ATXN1: variants seen among roughly 807,000 people sequenced by gnomAD.
ATXN1 encodes ataxin-1.
In ATXN1, 8 loss-of-function variants were observed where a neutral mutation model predicts 56.4. The ratio of observed to expected loss-of-function variants is 0.14; its 90% CI spans 0.08 to 0.26. The LOEUF is 0.26. Ranked by LOEUF, ATXN1 falls within the 10% of genes least tolerant of loss-of-function variation. The probability of loss-of-function intolerance (pLI) is 1.00; values close to 1 mark genes in which losing one functional copy is unlikely to be tolerated. For synonymous variants in ATXN1, 514 were observed against 494.6 expected (o/e 1.04, Z -0.52); for missense variants, 987 against 1,106.5 (o/e 0.89, Z 1.53).
At chr6:16,359,311 A>G (rs1235858621) in intron 6 of ATXN1, among the ~76,000 whole-genome samples, 1 of 152,034 alleles carries the variant, frequency 6.6e-6, no homozygotes, top group African/African-American at 2.4e-5. Flanking sequence ...CCGTCCACCC[A>G]TGGCCACCCA....
chr6:16,684,695 T>C (rs1226513322), intron 2 of ATXN1, among the ~76,000 whole-genome samples: 2 of 152,196 alleles, frequency 1.3e-5, no homozygotes, highest in African/African-American at 2.4e-5. Context: ...TCTGAGCATT[T>C]AGCGTTCAGT....
chr6:16,623,049 A>G (rs1294750606), intron 3 of ATXN1, among the ~76,000 whole-genome samples: 1 of 152,112 alleles, frequency 6.6e-6, no homozygotes, highest in Non-Finnish European at 1.5e-5. Context: ...ATTCACTTTC[A>G]TTGTTGTATT....
At chr6:16,717,122 G>C (rs1265910576) in intron 2 of ATXN1, among the ~76,000 whole-genome samples, 3 of 152,264 alleles carry the variant, frequency 2.0e-5, no homozygotes, top group Non-Finnish European at 4.4e-5. Flanking sequence ...GCCCCAGCCA[G>C]CACCTGATGA....
At chr6:16,613,326 G>T (rs1763147980) in intron 3 of ATXN1, among the ~76,000 whole-genome samples, 1 of 146,064 alleles carries the variant, frequency 6.8e-6, no homozygotes, top group Non-Finnish European at 1.5e-5. Context: ...TTAGCTAGCA[G>T]TAAGTCTATC....
intron 7 of ATXN1, among the ~76,000 whole-genome samples, chr6:16,325,117 T>TG (rs1345216039): frequency 8.4e-6 from 1 of 118,674 alleles, no homozygotes; most frequent in Non-Finnish European, 1.8e-5. Context: ...GCCTTCCATC[T>TG]GTTTTTTTTT....
chr6:16,752,255 C>G (rs970661541), intron 2 of ATXN1, among the ~76,000 whole-genome samples: 1 of 152,144 alleles, frequency 6.6e-6, no homozygotes, highest in Admixed American at 6.5e-5. Context: ...GTAGAATGAG[C>G]TTCTCACCAA....
chr6:16,617,723 C>T (rs1031682051), intron 3 of ATXN1, among the ~76,000 whole-genome samples: 7 of 143,512 alleles, frequency 4.9e-5, no homozygotes, highest in East Asian at 2.2e-4. Context: ...GCCGAGATCA[C>T]GCCGCTGCAC....
intron 2 of ATXN1, among the ~76,000 whole-genome samples, chr6:16,747,622 C>T (rs868831457): frequency 6.0e-5 from 9 of 151,192 alleles, no homozygotes; most frequent in East Asian, 1.9e-4. Context: ...TCTCGATTTC[C>T]GTGGGTCTGT....
chr6:16,540,670 G>A lies in ATXN1; in HGVS notation c.-360-17982C>T, dbSNP rs549245344. Among the ~76,000 whole-genome samples, 7 of 152,302 alleles carry A rather than the reference G, an allele frequency of 4.6e-5. 1 individual carries two copies. The highest frequency in any genetic ancestry group is 4.6e-4 in the Admixed American group (7 of 15,314). ...CAAAGCCAAGGAGTTAGGCTCTAGA[G>A]TCACTATATTAAACTGCCTGGTTAA... On this transcript the variant is annotated intron_variant, in intron 4 of 7. Coordinates refer to ENST00000436367, the MANE Select transcript of ATXN1 (RefSeq NM_001128164.2).
intron 6 of ATXN1, among the ~76,000 whole-genome samples, chr6:16,427,784 T>C (rs1759188377): frequency 6.6e-6 from 1 of 152,192 alleles, no homozygotes; most frequent in South Asian, 2.1e-4. Context: ...TCATCACCAG[T>C]GTCTGCTGTG....
At chr6:16,349,141 G>A (rs1253076885) in intron 6 of ATXN1, among the ~76,000 whole-genome samples, 4 of 152,156 alleles carry the variant, frequency 2.6e-5, no homozygotes, top group African/African-American at 9.7e-5. Flanking sequence ...TGGTTGTTCC[G>A]ATTATTTTCT....
At chr6:16,447,911 T>G (rs1393669141) in intron 6 of ATXN1, among the ~76,000 whole-genome samples, 1 of 151,914 alleles carries the variant, frequency 6.6e-6, no homozygotes, top group African/African-American at 2.4e-5. Context: ...AGAAAAGCTC[T>G]CCATGTGCCA....
At chr6:16,753,756 T>C (rs1760797323) in intron 1 of ATXN1, among the ~76,000 whole-genome samples, 1 of 152,182 alleles carries the variant, frequency 6.6e-6, no homozygotes, top group Non-Finnish European at 1.5e-5. Flanking sequence ...GTGGCATATA[T>C]TATCTATCAA....
intron 2 of ATXN1, among the ~76,000 whole-genome samples, chr6:16,668,508 T>C (rs1423190354): frequency 6.6e-6 from 1 of 152,046 alleles, no homozygotes; most frequent in African/African-American, 2.4e-5. Flanking sequence ...TAGATATTAT[T>C]AAAGAGAACA....
Position 16,562,458 on chromosome 6 carries a change from G to GGAAACAAA in ATXN1, c.-361+23321_-361+23322insTTTGTTTC, listed in dbSNP as rs1561756150. Among the ~76,000 whole-genome samples the GGAAACAAA allele has an allele frequency of 5.8e-5, 3 of 51,800 alleles. No individual in the cohort carries two copies. The South Asian group carries it at 1.5e-3, about 26-fold the overall frequency. 34.0% of individuals were successfully genotyped at this position (51,800 alleles called of 152,430 possible). A position where few individuals can be genotyped will look rare whatever the true frequency, so the allele number is the denominator to read the frequency against. On this transcript the variant is annotated intron_variant, in intron 4 of 7. Transcript: ENST00000436367. ...GAAGAAAAGAAAAGAAAGAAAAGGA[G>GGAAACAAA]AGGAGAGGAGAGGAGAGGAGAGGAG...
At chr6:16,616,886 C>T (rs181001794) in intron 3 of ATXN1, among the ~76,000 whole-genome samples, 3 of 151,384 alleles carry the variant, frequency 2.0e-5, no homozygotes, top group Non-Finnish European at 2.9e-5. Flanking sequence ...GAGTACAGTA[C>T]AAGAAGATAT....
chr6:16,702,671 C>T (rs773199098), intron 2 of ATXN1, among the ~76,000 whole-genome samples: 4 of 152,074 alleles, frequency 2.6e-5, no homozygotes, highest in East Asian at 1.9e-4. Flanking sequence ...AAAAAGTGGG[C>T]GAAGGATATG....
chr6:16,745,108 ATTAAAT>A (rs1278892865), intron 2 of ATXN1, among the ~76,000 whole-genome samples: 1 of 152,230 alleles, frequency 6.6e-6, no homozygotes, highest in African/African-American at 2.4e-5. Context: ...CAAAGAGCCT[ATTAAAT>A]TAGCCAAAAA....
intron 2 of ATXN1, among the ~76,000 whole-genome samples, chr6:16,714,955 A>G (rs1382322359): frequency 6.6e-6 from 1 of 152,166 alleles, no homozygotes; most frequent in Non-Finnish European, 1.5e-5. Flanking sequence ...TGCTTTGGGC[A>G]TGAAACAGAA....
Sources: allele counts gnomAD v4.1 joint callset (sites outside exome capture counted in the v4.1 genomes callset), GRCh38; gene constraint gnomAD v4.1.1; transcripts MANE v1.5; gene names NCBI Gene and HGNC (gene_info 2026-07-23, HGNC 2026-07-21).